ZBTB8A: variants seen among roughly 807,000 people sequenced by gnomAD.
The protein encoded by ZBTB8A is zinc finger and BTB domain containing 8A, also known as zinc finger and BTB domain-containing protein 8A.
ZBTB8A carries 19 observed loss-of-function variants against 37.8 expected under a neutral mutation model. That is an observed-to-expected ratio of 0.50 (90% CI 0.35 to 0.74). The LOEUF is 0.74. Among genes scored for constraint, ZBTB8A ranks in the 30% least tolerant of loss-of-function variants. ZBTB8A has a pLI of 0.01. For missense variants in ZBTB8A, 394 were observed against 537.8 expected (o/e 0.73, Z 2.65); for synonymous variants, 181 against 185.2 (o/e 0.98, Z 0.19).
intron 1 of ZBTB8A, among the ~76,000 whole-genome samples, chr1:32,550,957 CAAAA>C (rs530419945): frequency 1.4e-5 from 1 of 69,186 alleles, no homozygotes; most frequent in Middle Eastern, 9.1e-3. Flanking sequence ...GACTCCGTCT[CAAAA>C]AAAAAAAAAA....
chr1:32,563,719 C>T (rs1174463896), intron 2 of ZBTB8A, among the ~76,000 whole-genome samples: 2 of 152,068 alleles, frequency 1.3e-5, no homozygotes, highest in Non-Finnish European at 1.5e-5. Context: ...GTGATCTGCC[C>T]ACCTCAGCCT....
intron 1 of ZBTB8A, among the ~76,000 whole-genome samples, chr1:32,546,735 C>T (rs1208406324): frequency 6.6e-6 from 1 of 152,134 alleles, no homozygotes. Context: ...GTTTTTCTGA[C>T]CCTTCAGAAA....
intron 1 of ZBTB8A, among the ~76,000 whole-genome samples, chr1:32,540,113 T>G (rs1644040839): frequency 6.6e-6 from 1 of 152,082 alleles, no homozygotes; most frequent in East Asian, 1.9e-4. Context: ...ACATCTGGGC[T>G]TAGAACCGAG....
At chr1:32,582,388 A>G (rs983378513) in intron 2 of ZBTB8A, among the ~76,000 whole-genome samples, 1 of 152,064 alleles carries the variant, frequency 6.6e-6, no homozygotes, top group African/African-American at 2.4e-5. Context: ...TGGCTTACCC[A>G]TGTAATCCCA....
At chr1:32,567,252 G>GT (rs974352369) in intron 2 of ZBTB8A, among the ~76,000 whole-genome samples, 7 of 152,032 alleles carry the variant, frequency 4.6e-5, no homozygotes, top group Non-Finnish European at 1.0e-4. Flanking sequence ...ACCAGATCTC[G>GT]TAAGAACTCA....
chr1:32,572,061 GC>G (rs1331663805), intron 2 of ZBTB8A, among the ~76,000 whole-genome samples: 1 of 151,676 alleles, frequency 6.6e-6, no homozygotes, highest in Non-Finnish European at 1.5e-5. Flanking sequence ...ACACCACCAC[GC>G]CCAGCTAATT....
Position 32,590,043 on chromosome 1 carries a change from C to T in ZBTB8A, c.-1-2888C>T, listed in dbSNP as rs186667847. Among the ~76,000 whole-genome samples the T allele has an allele frequency of 1.6e-3, 245 of 152,078 alleles. 3 individuals are homozygous for T. Among genetic ancestry groups the T allele is most frequent in the African/African-American group, 5.0e-3 (207 of 41,428 alleles). On this transcript the variant is annotated intron_variant, in intron 2 of 4. Coordinates refer to ENST00000373510, the MANE Select transcript of ZBTB8A (RefSeq NM_001040441.3). The stretch of plus-strand genomic sequence containing the variant: ...CTTCTGCAAGGTGCCCTGAAGGCAC[C>T]ACCAGCCCAGGACCAATTTTCACGT...
intron 2 of ZBTB8A, among the ~76,000 whole-genome samples, chr1:32,582,100 T>C (rs1008208562): frequency 2.0e-5 from 3 of 152,202 alleles, no homozygotes; most frequent in Admixed American, 2.0e-4. Context: ...AACAGAGGAA[T>C]TATTATATTT....
In ZBTB8A at chr1:32,602,347, A is replaced by AACT. The variant is rs1346219580; in HGVS notation, c.*1929_*1931dup. The AACT allele has an allele frequency of 6.7e-6, 1 of 150,228 alleles. No homozygotes were observed. Among genetic ancestry groups the AACT allele is most frequent in the Non-Finnish European group, 1.5e-5 (1 of 68,008 alleles). The allele number at this position is 150,228 out of a possible 1,614,324, so 9.3% of individuals were successfully genotyped here. ...CCGTCTCAAAAAAAAAAAAAAAAAA[A>AACT]ACTTCTCCCCTGCATAAATTATGAA... On this transcript the variant is annotated 3_prime_UTR_variant, in exon 5 of 5. Coordinates refer to ENST00000373510, the MANE Select transcript of ZBTB8A (RefSeq NM_001040441.3).
At chr1:32,546,451 AAAAT>A (rs202217136) in intron 1 of ZBTB8A, among the ~76,000 whole-genome samples, 11,826 of 151,430 alleles carry the variant, frequency 0.078, 484 homozygotes, top group African/African-American at 0.12. Flanking sequence ...CTCAAAAAAA[AAAAT>A]AAATAAATAA....
chr1:32,551,786 T>C (rs1644158662), intron 1 of ZBTB8A, among the ~76,000 whole-genome samples: 1 of 152,212 alleles, frequency 6.6e-6, no homozygotes, highest in South Asian at 2.1e-4. Context: ...TTCCCTACGC[T>C]GGTCTGGAAT....
chr1:32,570,491 C>T (rs377720730), intron 2 of ZBTB8A, among the ~76,000 whole-genome samples: 5 of 152,278 alleles, frequency 3.3e-5, no homozygotes, highest in African/African-American at 1.2e-4. Context: ...TAATCCTGTA[C>T]GTCCACTTGA....
Position 32,600,248 on chromosome 1 carries a change from A to T in ZBTB8A, c.1155A>T (p.Gln385His). Residue 385 changes from glutamine to histidine, a missense_variant, in exon 5 of 5, where the codon CAA (glutamine) becomes CAT (histidine). Physicochemically the swap from Gln to His is conservative, Grantham distance 24. Coordinates refer to ENST00000373510, the MANE Select transcript of ZBTB8A (RefSeq NM_001040441.3). Reference protein sequence around the residue: ...DSLPIDLEAEQHLMSPSDGDK... With the variant: ...DSLPIDLEAEHHLMSPSDGDK... Reference sequence around the variant, plus strand: ...TCCCCATTGACTTGGAAGCTGAACAACATCTTATGTCCCCATCAGATGGAG... The same window carrying T: ...TCCCCATTGACTTGGAAGCTGAACATCATCTTATGTCCCCATCAGATGGAG... 6.2e-7 allele frequency: 1 copy of T among 1,614,156 alleles called. No individual in the cohort carries two copies. Among genetic ancestry groups the T allele is most frequent in the South Asian group, 1.1e-5 (1 of 91,080 alleles).
chr1:32,594,936 C>A (rs1411879231), intron 3 of ZBTB8A, 118 bp from the exon 4 acceptor site: 3 of 1,078,196 alleles, frequency 2.8e-6, no homozygotes, highest in Admixed American at 3.2e-5. Flanking sequence ...CTTTTTATTT[C>A]TTTTTTTTTA....
chr1:32,581,118 T>C (rs1644400016), intron 2 of ZBTB8A, among the ~76,000 whole-genome samples: 1 of 28,674 alleles, frequency 3.5e-5, no homozygotes. Flanking sequence ...TAATATATAA[T>C]ATATATAACT....
intron 2 of ZBTB8A, among the ~76,000 whole-genome samples, chr1:32,581,287 T>C (rs1418925983): frequency 1.1e-5 from 1 of 91,872 alleles, no homozygotes; most frequent in Non-Finnish European, 2.1e-5. Context: ...AATATTAATA[T>C]ATATTTATAT....
At chr1:32,572,405 T>C (rs1236533663) in intron 2 of ZBTB8A, among the ~76,000 whole-genome samples, 1 of 151,826 alleles carries the variant, frequency 6.6e-6, no homozygotes, top group African/African-American at 2.4e-5. Context: ...GTTTTTTTTT[T>C]CTTTTTTTGA....
chr1:32,554,080 A>G lies in ZBTB8A; in HGVS notation c.-2+540A>G, dbSNP rs368524910. ...CCGGGCGTGGTGCTGGGCGCCTATA[A>G]TCCCAGGTGCTTGTGAGGCTGAGAC... On this transcript the variant is annotated intron_variant, in intron 2 of 4. Coordinates refer to ENST00000373510, the MANE Select transcript of ZBTB8A (RefSeq NM_001040441.3). 3.3e-5 allele frequency among the ~76,000 whole-genome samples: 5 copies of G among 151,210 alleles called. No individual in the cohort carries two copies. The East Asian group carries it at 5.9e-4, about 18-fold the overall frequency.
At position 32,593,387 on chromosome 1, in the gene ZBTB8A, T is replaced by C. The variant is rs1644504728; in HGVS notation, c.456T>C (p.Ser152=). Residue 152 remains serine (S), a synonymous_variant, in exon 3 of 5, where the codon AGT becomes AGC. Coordinates refer to ENST00000373510, the MANE Select transcript of ZBTB8A (RefSeq NM_001040441.3). ...GTGTAGAACGTTCCTCTTTTTATAG[T>C]GGTGGCTGGCAAGAAGGAAGCAGTT... ...SNGVERSSFY[S]GGWQEGSSSP... 6.2e-7 allele frequency: 1 copy of C among 1,613,878 alleles called. No individual in the cohort carries two copies.
Sources: allele counts gnomAD v4.1 joint callset (sites outside exome capture counted in the v4.1 genomes callset), GRCh38; gene constraint gnomAD v4.1.1; transcripts MANE v1.5; gene names NCBI Gene and HGNC (gene_info 2026-07-23, HGNC 2026-07-21).